ACADL: variants seen among roughly 807,000 people sequenced by gnomAD.
ACADL encodes the protein long-chain specific acyl-CoA dehydrogenase, mitochondrial.
Under a neutral mutation model 56.9 loss-of-function variants are expected in ACADL, and 60 were observed. The observed-to-expected ratio is 1.05, with a 90% CI of 0.86 to 1.31. ACADL has a LOEUF of 1.31. ACADL is among the 50% of genes most tolerant of loss of function. The pLI is 0.00. For synonymous variants in ACADL, 158 were observed against 179.7 expected, an observed-to-expected ratio of 0.88 and a Z score of 0.97; for missense variants, 484 against 525.5, an observed-to-expected ratio of 0.92 and a Z score of 0.77.
chr2:210,220,605 A>G (rs1393987634), intron 2 of ACADL, 42 bp downstream of exon 2: 3 of 1,574,312 alleles, frequency 1.9e-6, no homozygotes. Context: ...GTCCTATAAT[A>G]CCCCTAGTAT....
chr2:210,207,448 C>T (rs182348763), intron 5 of ACADL, among the ~76,000 whole-genome samples: 27 of 152,162 alleles, frequency 1.8e-4, no homozygotes, highest in Middle Eastern at 3.4e-3. Flanking sequence ...CATCACGTTG[C>T]GAGGTCTTCC....
At chr2:210,205,492 A>G in intron 6 of ACADL, 140 bp downstream of exon 6, 2 of 787,262 alleles carry the variant, frequency 2.5e-6, no homozygotes, top group Non-Finnish European at 4.1e-6. Context: ...AATAAATCTC[A>G]TTACCACATC....
intron 4 of ACADL, among the ~76,000 whole-genome samples, chr2:210,215,344 C>T (rs1250732307): frequency 1.3e-5 from 2 of 152,144 alleles, no homozygotes; most frequent in East Asian, 3.9e-4. Flanking sequence ...GATCATCAGG[C>T]CTGCCAAAAC....
Position 210,203,314 on chromosome 2 carries a change from C to G in ACADL, c.984+17G>C. On this transcript the variant is annotated intron_variant, in intron 8 of 10. Coordinates refer to ENST00000233710, the MANE Select transcript of ACADL (RefSeq NM_001608.4). ...AAACTGATACCATCTAATACTAAAC[C>G]ACAGTGACAAGCTTACCTGTAGGTG... The G allele has an allele frequency of 6.4e-7, 1 of 1,561,814 alleles. No homozygotes were observed. The highest frequency in any genetic ancestry group is 8.8e-7 in the Non-Finnish European group (1 of 1,133,252).
chr2:210,208,642 A>C (rs1173199450), intron 5 of ACADL, among the ~76,000 whole-genome samples: 1 of 152,226 alleles, frequency 6.6e-6, no homozygotes, highest in African/African-American at 2.4e-5. Flanking sequence ...AATTCTCCAT[A>C]AGTACATAAT....
chr2:210,196,059 T>C (rs112857807), intron 8 of ACADL, among the ~76,000 whole-genome samples: 2,470 of 152,230 alleles, frequency 0.016, 36 homozygotes, highest in Non-Finnish European at 0.023. Context: ...TGGGAGATAA[T>C]TGAATCATGG....
At chr2:210,191,737 C>A (rs1688635634) in intron 10 of ACADL, among the ~76,000 whole-genome samples, 1 of 152,056 alleles carries the variant, frequency 6.6e-6, no homozygotes, top group African/African-American at 2.4e-5. Flanking sequence ...TTTTAGAAGC[C>A]TATAGCATTC....
intron 8 of ACADL, among the ~76,000 whole-genome samples, chr2:210,198,010 T>C (rs1688736846): frequency 6.6e-6 from 1 of 152,218 alleles, no homozygotes; most frequent in Non-Finnish European, 1.5e-5. Context: ...TTATGCTTTC[T>C]GAAATCATCC....
intron 3 of ACADL, 103 bp downstream of exon 3, chr2:210,217,862 G>A: frequency 6.8e-7 from 1 of 1,461,404 alleles, no homozygotes; most frequent in Non-Finnish European, 9.6e-7. Flanking sequence ...AATCTTCCAA[G>A]ATTAGAAAAC....
At chr2:210,223,423 G>T (rs557926731) in intron 1 of ACADL, among the ~76,000 whole-genome samples, 1 of 152,184 alleles carries the variant, frequency 6.6e-6, no homozygotes, top group African/African-American at 2.4e-5. Context: ...CCTAGAAGCT[G>T]GTTATAAATA....
Position 210,192,795 on chromosome 2 carries a change from T to C in ACADL, c.1199+9A>G, listed in dbSNP as rs915455110. The C allele has an allele frequency of 1.4e-5, 23 of 1,605,026 alleles. No homozygotes were observed. The highest frequency in any genetic ancestry group is 2.0e-5 in the Non-Finnish European group (23 of 1,172,014). On this transcript the variant is annotated intron_variant, in intron 10 of 10. Coordinates refer to ENST00000233710, the MANE Select transcript of ACADL (RefSeq NM_001608.4). ...CATAAAGAAGAGTGTATCAGAAAAC[T>C]ATACTTACTTTGCAATTGGGTACTC...
chr2:210,203,102 T>G (rs1186388981), intron 8 of ACADL, among the ~76,000 whole-genome samples: 1 of 152,212 alleles, frequency 6.6e-6, no homozygotes, highest in Non-Finnish European at 1.5e-5. Flanking sequence ...TCAGACAATA[T>G]GAATTCCAAA....
intron 4 of ACADL, among the ~76,000 whole-genome samples, chr2:210,213,914 C>T (rs1459447076): frequency 6.6e-6 from 1 of 152,052 alleles, no homozygotes; most frequent in African/African-American, 2.4e-5. Flanking sequence ...GGTGCAGTGG[C>T]TCACACCTAT....
intron 4 of ACADL, among the ~76,000 whole-genome samples, chr2:210,215,540 C>T (rs1380292596): frequency 6.6e-6 from 1 of 152,134 alleles, no homozygotes; most frequent in African/African-American, 2.4e-5. Flanking sequence ...CCCAGATTTT[C>T]CTCCTTGGTC....
intron 4 of ACADL, among the ~76,000 whole-genome samples, chr2:210,213,494 G>GT (rs748022537): frequency 3.3e-5 from 5 of 150,824 alleles, no homozygotes; most frequent in Non-Finnish European, 7.4e-5. Flanking sequence ...GAGCGAGACT[G>GT]TTTAAAAAAA....
Position 210,217,293 on chromosome 2 carries a change from T to A in ACADL, c.371+672A>T, listed in dbSNP as rs571187130. On this transcript the variant is annotated intron_variant, in intron 3 of 10. Transcript: ENST00000233710. Reference sequence around the variant, plus strand: ...ATAAATTCCCCAAAGTGGCATTCTATGTCAAAGAGCAGGAACATATTTTTT... The same window carrying A: ...ATAAATTCCCCAAAGTGGCATTCTAAGTCAAAGAGCAGGAACATATTTTTT... Among the ~76,000 whole-genome samples, 5 of 152,286 alleles carry A rather than the reference T, an allele frequency of 3.3e-5. No homozygotes were observed. The South Asian group carries it at 8.3e-4, about 25-fold the overall frequency.
chr2:210,214,509 A>AAGAAAG (rs1553690970), intron 4 of ACADL, among the ~76,000 whole-genome samples: 245 of 18,904 alleles, frequency 0.013, 1 homozygote, highest in African/African-American at 0.019. Flanking sequence ...GAAAGAAAGA[A>AAGAAAG]AAAGAAAGAA....
At position 210,225,387 on chromosome 2, in the gene ACADL, A is replaced by G. The variant is rs1429087312; in HGVS notation, c.-124T>C. On this transcript the variant is annotated 5_prime_UTR_variant, in exon 1 of 11. Coordinates refer to ENST00000233710, the MANE Select transcript of ACADL (RefSeq NM_001608.4). ...TCCACCTGTGGTGTCCTCCCAAAAA[A>G]GCGCTCGCGCGCGCCCTTCCGGAGC... The G allele has an allele frequency of 3.6e-6, 4 of 1,124,658 alleles. No individual in the cohort carries two copies. Among genetic ancestry groups the G allele is most frequent in the Non-Finnish European group, 4.9e-6 (4 of 813,546 alleles). The allele number at this position is 1,124,658 out of a possible 1,614,324, so 69.7% of individuals were successfully genotyped here.
chr2:210,209,654 G>C (rs1007388902), intron 5 of ACADL: 2 of 152,642 alleles, frequency 1.3e-5, no homozygotes, highest in African/African-American at 4.8e-5. Context: ...ACACCACCAT[G>C]CCCAGCTAAT....
Sources: allele counts gnomAD v4.1 joint callset (sites outside exome capture counted in the v4.1 genomes callset), GRCh38; gene constraint gnomAD v4.1.1; transcripts MANE v1.5; gene names NCBI Gene and HGNC (gene_info 2026-07-23, HGNC 2026-07-21).